SDK1: variants seen among roughly 807,000 people sequenced by gnomAD.
SDK1 encodes protein sidekick-1.
Under a neutral mutation model 245.5 loss-of-function variants are expected in SDK1, and 157 were observed. The ratio of observed to expected loss-of-function variants is 0.64; its 90% confidence interval spans 0.56 to 0.73. The LOEUF (loss-of-function observed/expected upper bound fraction) is 0.73. Ranked by LOEUF, SDK1 falls within the 30% of genes least tolerant of loss-of-function variation. The pLI is 0.00. For missense variants in SDK1, 3,583 were observed against 3,002.3 expected, an observed-to-expected ratio of 1.19 and a Z score of -4.52; for synonymous variants, 1,647 against 1,278.5, an observed-to-expected ratio of 1.29 and a Z score of -6.15.
intron 30 of SDK1, among the ~76,000 whole-genome samples, chr7:4,156,501 G>A (rs909322993): frequency 3.3e-5 from 5 of 152,130 alleles, no homozygotes; most frequent in African/African-American, 1.2e-4. Flanking sequence ...ATGTGCCTGC[G>A]GTCAGGGACT....
At chr7:3,780,966 G>C (rs73032378) in intron 4 of SDK1, among the ~76,000 whole-genome samples, 50 of 152,012 alleles carry the variant, frequency 3.3e-4, no homozygotes, top group Non-Finnish European at 6.8e-4. Flanking sequence ...CCAGTGACCC[G>C]ACGTAAGCAG....
At chr7:3,312,529 C>A (rs1779574518) in intron 1 of SDK1, among the ~76,000 whole-genome samples, 1 of 150,774 alleles carries the variant, frequency 6.6e-6, no homozygotes, top group African/African-American at 2.4e-5. Context: ...GGAAAAGAAC[C>A]CAGTAGGACT....
intron 4 of SDK1, among the ~76,000 whole-genome samples, chr7:3,679,527 A>C (rs1784032001): frequency 6.6e-6 from 1 of 152,180 alleles, no homozygotes; most frequent in African/African-American, 2.4e-5. Flanking sequence ...AGATCGTGCC[A>C]CTGCACTCCA....
intron 43 of SDK1, among the ~76,000 whole-genome samples, chr7:4,245,157 G>C (rs1329227185): frequency 6.6e-6 from 1 of 152,130 alleles, no homozygotes; most frequent in Non-Finnish European, 1.5e-5. Flanking sequence ...AGCCATCTTA[G>C]AATTCCACCA....
intron 18 of SDK1, among the ~76,000 whole-genome samples, chr7:4,050,815 C>T (rs1789392648): frequency 6.7e-6 from 1 of 148,592 alleles, no homozygotes; most frequent in Non-Finnish European, 1.5e-5. Context: ...GCTGAATTAA[C>T]AGATGGTTTC....
At chr7:3,841,069 A>T (rs1487849813) in intron 5 of SDK1, among the ~76,000 whole-genome samples, 1 of 152,152 alleles carries the variant, frequency 6.6e-6, no homozygotes, top group Non-Finnish European at 1.5e-5. Context: ...CTTGTCTCCA[A>T]TCCCAGGGAT....
At chr7:3,770,336 G>A (rs1780373595) in intron 4 of SDK1, among the ~76,000 whole-genome samples, 1 of 152,150 alleles carries the variant, frequency 6.6e-6, no homozygotes, top group Admixed American at 6.5e-5. Flanking sequence ...TGGTATGGAT[G>A]TACCACAGTT....
At chr7:4,161,740 C>A in intron 31 of SDK1, 46 bp from the exon 32 acceptor site, 1 of 1,531,470 alleles carries the variant, frequency 6.5e-7, no homozygotes, top group Non-Finnish European at 9.1e-7. Flanking sequence ...GGCGGCAGAA[C>A]ATAACAACCA....
intron 4 of SDK1, among the ~76,000 whole-genome samples, chr7:3,781,709 T>G (rs1780750069): frequency 6.6e-6 from 1 of 151,788 alleles, no homozygotes; most frequent in African/African-American, 2.4e-5. Context: ...AGCAAGAAAT[T>G]TGACCAAAAA....
intron 1 of SDK1, among the ~76,000 whole-genome samples, chr7:3,432,955 TACAG>T: frequency 6.6e-6 from 1 of 152,240 alleles, no homozygotes; most frequent in African/African-American, 2.4e-5. Context: ...AATATTCACT[TACAG>T]AAGAGAGTGA....
At chr7:4,174,544 G>C (rs573421825) in intron 33 of SDK1, among the ~76,000 whole-genome samples, 187 bp downstream of exon 33, 2 of 152,320 alleles carry the variant, frequency 1.3e-5, no homozygotes, top group Non-Finnish European at 2.9e-5. Flanking sequence ...TGTGCGGCAG[G>C]TGGGTGCAGC....
intron 1 of SDK1, among the ~76,000 whole-genome samples, chr7:3,573,031 A>C (rs373147106): frequency 2.6e-5 from 4 of 152,002 alleles, no homozygotes; most frequent in East Asian, 1.9e-4. Flanking sequence ...GGCCCCAGGA[A>C]CTCCTTTATG....
chr7:3,660,514 T>A (rs1453962101), intron 4 of SDK1, among the ~76,000 whole-genome samples: 1 of 152,206 alleles, frequency 6.6e-6, no homozygotes, highest in Non-Finnish European at 1.5e-5. Flanking sequence ...AGAGCCTATC[T>A]TTCCATATCT....
At position 3,547,955 on chromosome 7, in the gene SDK1, T is replaced by C. The variant is rs1779283486; in HGVS notation, c.299-71125T>C. Among the ~76,000 whole-genome samples the C allele has an allele frequency of 1.3e-5, 2 of 152,220 alleles. 1 individual carries two copies. The highest frequency in any genetic ancestry group is 4.1e-4 in the South Asian group (2 of 4,830). On this transcript the variant is annotated intron_variant, in intron 1 of 44. Coordinates refer to ENST00000404826, the MANE Select transcript of SDK1 (RefSeq NM_152744.4). ...AGAACGTATTGGAAAGCATAGTCAGTGTCTTTTAACCTGATTCTTCCTTCT... is the reference window on the plus strand; with the variant it reads ...AGAACGTATTGGAAAGCATAGTCAGCGTCTTTTAACCTGATTCTTCCTTCT...
intron 32 of SDK1, among the ~76,000 whole-genome samples, chr7:4,167,001 C>T (rs1392134264): frequency 1.3e-5 from 2 of 152,212 alleles, no homozygotes; most frequent in African/African-American, 2.4e-5. Flanking sequence ...AACTCTGTGG[C>T]TCCAAGGTGC....
At chr7:3,322,050 G>T (rs1181552254) in intron 1 of SDK1, among the ~76,000 whole-genome samples, 3 of 149,152 alleles carry the variant, frequency 2.0e-5, no homozygotes, top group Non-Finnish European at 4.4e-5. Context: ...AGCATCGAGT[G>T]AACTATTTTA....
rs540705346 is a variant in SDK1, at chr7:3,995,051, C to T, written c.2131+7729C>T. Among the ~76,000 whole-genome samples the T allele has an allele frequency of 7.9e-5, 12 of 152,292 alleles. 1 individual carries two copies. Among genetic ancestry groups the T allele is most frequent in the Middle Eastern group, 3.4e-3 (1 of 294 alleles). On this transcript the variant is annotated intron_variant, in intron 14 of 44. Coordinates refer to ENST00000404826, the MANE Select transcript of SDK1 (RefSeq NM_152744.4). ...CCTACTTCTTCCGTATAGAGGTTCTCGTTCCCTGAAGAGGGGATTCTAGGC... is the reference window on the plus strand; with the variant it reads ...CCTACTTCTTCCGTATAGAGGTTCTTGTTCCCTGAAGAGGGGATTCTAGGC...
intron 5 of SDK1, among the ~76,000 whole-genome samples, chr7:3,843,024 C>T (rs1441296024): frequency 1.3e-5 from 2 of 152,058 alleles, no homozygotes; most frequent in Non-Finnish European, 2.9e-5. Flanking sequence ...CCCGTCAGTC[C>T]GTCTGGACTT....
chr7:3,848,703 C>T (rs993490348), intron 5 of SDK1, among the ~76,000 whole-genome samples: 2 of 151,454 alleles, frequency 1.3e-5, no homozygotes, highest in African/African-American at 4.9e-5. Context: ...CAGTGTATTG[C>T]TCTTGTCACT....
Sources: gnomAD v4.1 joint callset for allele counts (sites outside exome capture counted in the v4.1 genomes callset) on GRCh38, gnomAD v4.1.1 for gene constraint, MANE v1.5 for transcripts, NCBI Gene and HGNC (gene_info 2026-07-23, HGNC 2026-07-21) for gene names.